CCSER1: variants seen among roughly 807,000 people sequenced by gnomAD.
The protein encoded by CCSER1 is coiled-coil serine rich protein 1, also known as serine-rich coiled-coil domain-containing protein 1.
CCSER1 carries 41 observed loss-of-function variants against 82.0 expected under a neutral mutation model. That is an observed-to-expected ratio of 0.50 (90% confidence interval 0.39 to 0.65). The LOEUF (loss-of-function observed/expected upper bound fraction) is 0.65. CCSER1 is among the 30% of genes least tolerant of loss of function. CCSER1 has a pLI of 0.00. For synonymous variants in CCSER1, 414 were observed against 383.9 expected, an observed-to-expected ratio of 1.08 and a Z score of -0.92; for missense variants, 1,119 against 1,064.2, an observed-to-expected ratio of 1.05 and a Z score of -0.72.
chr4:91,030,706 G>A (rs1428264870), intron 9 of CCSER1, among the ~76,000 whole-genome samples: 2 of 151,940 alleles, frequency 1.3e-5, no homozygotes, highest in East Asian at 3.9e-4. Context: ...ATGCAAAAAT[G>A]TATATAGAAA....
At chr4:90,415,816 C>T (rs561086877) in intron 4 of CCSER1, among the ~76,000 whole-genome samples, 1 of 152,266 alleles carries the variant, frequency 6.6e-6, no homozygotes, top group Admixed American at 6.5e-5. Context: ...GAGAGTGATG[C>T]ATCATAATTA....
chr4:90,383,684 T>C (rs1280283096), intron 3 of CCSER1, among the ~76,000 whole-genome samples: 2 of 152,120 alleles, frequency 1.3e-5, no homozygotes, highest in African/African-American at 2.4e-5. Context: ...GTTCAGCCAC[T>C]TACTTGTGTT....
intron 1 of CCSER1, among the ~76,000 whole-genome samples, chr4:90,223,339 G>A (rs1379999800): frequency 1.3e-5 from 2 of 152,062 alleles, no homozygotes; most frequent in African/African-American, 2.4e-5. Flanking sequence ...TATAGATTCA[G>A]GGTAAATTTG....
At chr4:91,422,586 G>A (rs1181129647) in intron 10 of CCSER1, among the ~76,000 whole-genome samples, 1 of 152,030 alleles carries the variant, frequency 6.6e-6, no homozygotes, top group African/African-American at 2.4e-5. Flanking sequence ...TTTGATTCAT[G>A]TTTTTTAATT....
intron 5 of CCSER1, among the ~76,000 whole-genome samples, chr4:90,484,884 C>G (rs867298811): frequency 1.3e-5 from 2 of 152,170 alleles, no homozygotes; most frequent in Non-Finnish European, 1.5e-5. Flanking sequence ...GCTGGGAGAA[C>G]CACTACTCTC....
chr4:90,995,584 A>G (rs1737418956), intron 9 of CCSER1, among the ~76,000 whole-genome samples: 2 of 152,256 alleles, frequency 1.3e-5, no homozygotes, highest in South Asian at 2.1e-4. Context: ...TTAAACTGAG[A>G]TTACTTTCTA....
intron 10 of CCSER1, among the ~76,000 whole-genome samples, chr4:91,389,036 G>A (rs1028325202): frequency 1.3e-5 from 2 of 151,902 alleles, no homozygotes; most frequent in African/African-American, 4.8e-5. Context: ...TTTGTGGCTT[G>A]GCTTCCAATT....
At chr4:91,296,459 ATATATATG>A (rs879364593) in intron 10 of CCSER1, among the ~76,000 whole-genome samples, 15,227 of 85,362 alleles carry the variant, frequency 0.18, 1,204 homozygotes, top group Middle Eastern at 0.24. Flanking sequence ...TTATATATAT[ATATATATG>A]TATATATATA....
intron 10 of CCSER1, among the ~76,000 whole-genome samples, chr4:91,432,023 T>C (rs1054774561): frequency 1.7e-4 from 25 of 149,604 alleles, no homozygotes; most frequent in African/African-American, 5.8e-4. Context: ...GGGAGGTGAT[T>C]GGATCACCAG....
chr4:90,388,010 G>T (rs552735827), intron 3 of CCSER1, among the ~76,000 whole-genome samples: 141 of 152,310 alleles, frequency 9.3e-4, no homozygotes, highest in African/African-American at 3.3e-3. Context: ...CTCAGACTTT[G>T]AGTTTGGCTA....
At chr4:91,254,870 C>T (rs1013810956) in intron 10 of CCSER1, among the ~76,000 whole-genome samples, 7 of 151,986 alleles carry the variant, frequency 4.6e-5, no homozygotes, top group East Asian at 1.9e-4. Flanking sequence ...ATTATAGCAT[C>T]GCTAGAACAC....
intron 10 of CCSER1, among the ~76,000 whole-genome samples, chr4:91,127,266 G>T (rs1323413805): frequency 6.6e-6 from 1 of 151,968 alleles, no homozygotes; most frequent in Non-Finnish European, 1.5e-5. Context: ...ATAAGTCCAG[G>T]AAATATGTGA....
intron 9 of CCSER1, among the ~76,000 whole-genome samples, chr4:91,083,822 G>T (rs1329804061): frequency 6.6e-6 from 1 of 152,000 alleles, no homozygotes; most frequent in African/African-American, 2.4e-5. Context: ...CAAGAGAAAA[G>T]GAGGTTTTAC....
chr4:91,461,130 C>G (rs1241758499), intron 10 of CCSER1, among the ~76,000 whole-genome samples: 4 of 152,034 alleles, frequency 2.6e-5, no homozygotes, highest in African/African-American at 9.7e-5. Context: ...TGCTCATAGC[C>G]CAGGATCTCA....
chr4:90,603,095 A>G (rs1480812113), intron 5 of CCSER1, among the ~76,000 whole-genome samples: 1 of 152,228 alleles, frequency 6.6e-6, no homozygotes, highest in Admixed American at 6.5e-5. Context: ...TTTTCTCCCA[A>G]CATATTTAGA....
chr4:90,866,877 G>A (rs1765790398), intron 8 of CCSER1, among the ~76,000 whole-genome samples: 1 of 151,894 alleles, frequency 6.6e-6, no homozygotes, highest in Non-Finnish European at 1.5e-5. Flanking sequence ...TGTATATCCA[G>A]TTCACAGTAG....
chr4:90,582,528 C>A (rs569936122), intron 5 of CCSER1, among the ~76,000 whole-genome samples: 78 of 152,238 alleles, frequency 5.1e-4, no homozygotes, highest in African/African-American at 1.8e-3. Flanking sequence ...ACTTTATAAA[C>A]CCTTAAATGC....
At chr4:91,243,157 G>A (rs1185951706) in intron 10 of CCSER1, among the ~76,000 whole-genome samples, 1 of 152,126 alleles carries the variant, frequency 6.6e-6, no homozygotes, top group African/African-American at 2.4e-5. Flanking sequence ...CTGTCACAGT[G>A]GAAAATAAAG....
intron 5 of CCSER1, among the ~76,000 whole-genome samples, chr4:90,470,932 A>G (rs1389055787): frequency 6.6e-6 from 1 of 152,172 alleles, no homozygotes; most frequent in Non-Finnish European, 1.5e-5. Flanking sequence ...CCTGGAACAC[A>G]GAATGAAATT....
Sources: gnomAD v4.1 joint callset for allele counts (sites outside exome capture counted in the v4.1 genomes callset) on GRCh38, gnomAD v4.1.1 for gene constraint, MANE v1.5 for transcripts, NCBI Gene and HGNC (gene_info 2026-07-23, HGNC 2026-07-21) for gene names.